NSD1: variants seen among roughly 807,000 people sequenced by gnomAD.
NSD1 encodes histone-lysine N-methyltransferase, H3 lysine-36 specific.
In NSD1, 26 loss-of-function variants were observed where a neutral mutation model predicts 242.7. The observed-to-expected ratio is 0.11, with a 90% CI of 0.08 to 0.15. The LOEUF (loss-of-function observed/expected upper bound fraction) is 0.15. NSD1 is among the 10% of genes least tolerant of loss of function. The pLI, the probability that NSD1 is intolerant of heterozygous loss-of-function variation, is 1.00. For missense variants in NSD1, 2,495 were observed against 3,272.8 expected (o/e 0.76, Z 5.80); for synonymous variants, 1,106 against 1,178.1 (o/e 0.94, Z 1.25).
chr5:177,288,746 A>G, intron 20 of NSD1, 73 bp from the exon 21 acceptor site: 7 of 1,069,350 alleles, frequency 6.5e-6, no homozygotes, highest in Non-Finnish European at 1.0e-5. Flanking sequence ...GGGAGTTGGT[A>G]TCCTTTGTAA....
At chr5:177,161,713 T>C (rs1758771443) in intron 2 of NSD1, among the ~76,000 whole-genome samples, 1 of 150,004 alleles carries the variant, frequency 6.7e-6, no homozygotes, top group South Asian at 2.1e-4. Context: ...TTTTTTGAGA[T>C]AGAGTCCAGC....
intron 2 of NSD1, among the ~76,000 whole-genome samples, chr5:177,175,071 C>CTAAAA (rs1760079235): frequency 2.0e-5 from 3 of 151,526 alleles, no homozygotes; most frequent in African/African-American, 7.3e-5. Context: ...CGGGGTTTCA[C>CTAAAA]CGTGTTAGTC....
rs776994018 is a variant in NSD1, at chr5:177,211,309, T to A, written c.2910T>A (p.Asp970Glu). The A allele has an allele frequency of 1.9e-6, 3 of 1,614,054 alleles. No homozygotes were observed. Among genetic ancestry groups the A allele is most frequent in the Non-Finnish European group, 2.5e-6 (3 of 1,180,012 alleles). The stretch of plus-strand genomic sequence containing the variant: ...CACACAATTCAGAGAAAAAGGGAGA[T>A]GGCACTCAGAACTCCGCCAATCCTA... ...GSTHNSEKKG[D>E]GTQNSANPSP... Residue 970 changes from aspartate (D) to glutamate (E), a missense_variant, in exon 5 of 23, where the codon GAT becomes GAA. Transcript: ENST00000439151.
At chr5:177,188,183 T>G (rs138740907) in intron 2 of NSD1, among the ~76,000 whole-genome samples, 1 of 152,348 alleles carries the variant, frequency 6.6e-6, no homozygotes, top group African/African-American at 2.4e-5. Context: ...AATTATGGGC[T>G]TAAATGGATT....
chr5:177,262,350 C>G (rs902494712), intron 14 of NSD1, among the ~76,000 whole-genome samples: 1 of 116,176 alleles, frequency 8.6e-6, no homozygotes, highest in African/African-American at 3.5e-5. Context: ...GCCTGTAGTC[C>G]CAGCTATTCA....
At chr5:177,146,140 A>G (rs993050128) in intron 2 of NSD1, among the ~76,000 whole-genome samples, 14 of 150,688 alleles carry the variant, frequency 9.3e-5, no homozygotes, top group Admixed American at 7.3e-4. Flanking sequence ...TGCAATGGTA[A>G]TATTTTGCAA....
In NSD1 at chr5:177,212,018, A is replaced by G; in HGVS notation, c.3619A>G (p.Arg1207Gly). 1 of 1,614,152 alleles carries G rather than the reference A, an allele frequency of 6.2e-7. No individual in the cohort carries two copies. The highest frequency in any genetic ancestry group is 8.5e-7 in the Non-Finnish European group (1 of 1,180,018). The change falls in exon 5 of 23, where the codon AGA becomes GGA. Residue 1207 changes from arginine to glycine, a missense_variant. Arg to Gly is a moderately radical substitution (Grantham distance 125). This residue lies in a region of NSD1 where 426 missense variants were observed against 411.4 expected (regional missense o/e 1.04). Coordinates refer to ENST00000439151, the MANE Select transcript of NSD1 (RefSeq NM_022455.5). ...QEGRDEFPEH[R>G]TPSASILEEP... ...GGGGCGGGATGAGTTTCCAGAGCAT[A>G]GAACTCCTTCAGCAAGCATACTTGA...
Position 177,270,909 on chromosome 5 carries a change from A to C in NSD1, c.5509+1102A>C, listed in dbSNP as rs1162193920. Among the ~76,000 whole-genome samples the C allele has an allele frequency of 2.0e-5, 3 of 152,220 alleles. No individual in the cohort carries two copies. The East Asian group carries it at 5.8e-4, about 29-fold the overall frequency. On this transcript the variant is annotated intron_variant, in intron 16 of 22. Transcript: ENST00000439151. ...TATCAGTTCTACTGCTAATACAAAA[A>C]TACATAGTACTGTGCTGTTAGTACT...
In NSD1 at chr5:177,186,085, TTA is replaced by T. The variant is rs1180696693; in HGVS notation, c.928-5792_928-5791del. 3.8e-4 allele frequency among the ~76,000 whole-genome samples: 43 copies of T among 112,546 alleles called. 1 individual carries two copies. The highest frequency in any genetic ancestry group is 1.4e-3 in the African/African-American group (41 of 29,048). The allele number at this position is 112,546 out of a possible 152,430, so 73.8% of individuals were successfully genotyped here. ...TATAATATATGTTATATATAATATA[TTA>T]TATATAACATATATTATATTATATG... On this transcript the variant is annotated intron_variant, in intron 2 of 22. Coordinates refer to ENST00000439151, the MANE Select transcript of NSD1 (RefSeq NM_022455.5).
Position 177,238,420 on chromosome 5 carries a change from C to T in NSD1, c.4105C>T (p.Pro1369Ser), listed in dbSNP as rs1285193294. 2 of 1,614,154 alleles carry T rather than the reference C, an allele frequency of 1.2e-6. No homozygotes were observed. Among genetic ancestry groups the T allele is most frequent in the South Asian group, 2.2e-5 (2 of 91,080 alleles). ...ACTTGGAGGTGGACATGCTGAGTTG[C>T]CGCAGCTGACCTTGTCTGTGCCTGT... ...SELGGGHAEL[P>S]QLTLSVPVAP... The change falls in exon 7 of 23, where the codon CCG becomes TCG. Residue 1369 changes from proline to serine, a missense_variant. Pro to Ser is a moderately conservative substitution (Grantham distance 74, BLOSUM62 -1). Around this residue, in one of 19 missense-constraint regions of NSD1, gnomAD observed 100 missense variants for 190.7 expected, o/e 0.52. Coordinates refer to ENST00000439151, the MANE Select transcript of NSD1 (RefSeq NM_022455.5). The surrounding 1 kb of genome is among the most constrained non-coding windows in gnomAD (Gnocchi z 4.6).
rs180861863 is a variant in NSD1 at position 177,144,400 on chromosome 5, T to G, written c.927+8370T>G. ...AGTTTTTGTTTTTTTTTTTCTCTAT[T>G]TTTCCAAACTTATTTGATTAGTAAG... On this transcript the variant is annotated intron_variant, in intron 2 of 22. Transcript: ENST00000439151. Among the ~76,000 whole-genome samples, 833 of 152,144 alleles carry G rather than the reference T, an allele frequency of 5.5e-3. 6 individuals carry two copies. Among genetic ancestry groups the G allele is most frequent in the African/African-American group, 0.019 (787 of 41,532 alleles).
intron 17 of NSD1, among the ~76,000 whole-genome samples, chr5:177,274,105 G>C (rs1275352223): frequency 6.6e-6 from 1 of 152,046 alleles, no homozygotes. Context: ...AGTGAGCCGA[G>C]ATCGTGCCAC....
At chr5:177,235,726 T>A in intron 5 of NSD1, 95 bp from the exon 6 acceptor site, 1 of 1,520,142 alleles carries the variant, frequency 6.6e-7, no homozygotes, top group South Asian at 1.2e-5. Context: ...TGGTTTCCCA[T>A]CTGGTTACTT....
chr5:177,134,660 AG>A lies in NSD1; in HGVS notation c.-17-419del, dbSNP rs998655872. ...ACCGCTGCGCCCTAGCGAGCCAGGA[AG>A]GGGGGGGTACCTTTTTGTGCAGGGT... On this transcript the variant is annotated intron_variant, in intron 1 of 22. Transcript: ENST00000439151. This position sits in a 1 kb window ranked among gnomAD's most constrained non-coding sequence, Gnocchi z 4.2. Among the ~76,000 whole-genome samples, 64 of 151,828 alleles carry A rather than the reference AG, an allele frequency of 4.2e-4. No homozygotes were observed. Among genetic ancestry groups the A allele is most frequent in the South Asian group, 1.9e-3 (9 of 4,794 alleles).
chr5:177,264,028 ATTTTTTTTTT>A (rs61538775), intron 14 of NSD1, among the ~76,000 whole-genome samples: 2,180 of 76,416 alleles, frequency 0.029, 99 homozygotes, highest in Non-Finnish European at 0.039. Context: ...CAATGAACCA[ATTTTTTTTTT>A]TTTTTTTTTT....
In NSD1 at chr5:177,292,147, A is replaced by G. The variant is rs1425053571; in HGVS notation, c.6452A>G (p.Lys2151Arg). ...CACGCAGACTGTCTCAATCTGACCA[A>G]GCGACCAGCAGGTTGGTGCCAAAAT... ...VYHADCLNLTKRPAGKWECPW... is the reference protein window; with the variant it reads ...VYHADCLNLTRRPAGKWECPW... Residue 2151 changes from lysine to arginine, a missense_variant, in exon 22 of 23, where the codon AAG (lysine) becomes AGG (arginine). This residue lies in a region of NSD1 where 33 missense variants were observed against 134.8 expected (regional missense o/e 0.24). Transcript: ENST00000439151. 1.2e-6 allele frequency: 2 copies of G among 1,613,944 alleles called. No homozygotes were observed. The highest frequency in any genetic ancestry group is 2.2e-5 in the East Asian group (1 of 44,898).
chr5:177,266,694 T>A (rs978977846), intron 14 of NSD1: 3 of 291,966 alleles, frequency 1.0e-5, no homozygotes, highest in Non-Finnish European at 1.9e-5. Flanking sequence ...TTAACTCGGA[T>A]ATATTCTTTG....
At chr5:177,287,227 A>T (rs950544646) in intron 20 of NSD1, among the ~76,000 whole-genome samples, 3 of 152,262 alleles carry the variant, frequency 2.0e-5, no homozygotes, top group African/African-American at 7.2e-5. Context: ...ATGTTCAGTG[A>T]GCAGCAAGTT....
chr5:177,287,642 A>G (rs1397640536), intron 20 of NSD1, among the ~76,000 whole-genome samples: 1 of 152,218 alleles, frequency 6.6e-6, no homozygotes, highest in Non-Finnish European at 1.5e-5. Context: ...TCTCAAAGAA[A>G]GAAAAAGAAA....
Sources: gnomAD v4.1 joint callset for allele counts (sites outside exome capture counted in the v4.1 genomes callset) on GRCh38, gnomAD v4.1.1 for gene constraint, gnomAD v4.1.1 regional missense constraint, Gnocchi (gnomAD v3.1) non-coding constraint, MANE v1.5 for transcripts, NCBI Gene and HGNC (gene_info 2026-07-23, HGNC 2026-07-21) for gene names.